FOXP2: variants seen among roughly 807,000 people sequenced by gnomAD.
FOXP2 encodes forkhead box P2, also known as forkhead box protein P2.
Under a neutral mutation model 115.8 loss-of-function variants are expected in FOXP2, and 12 were observed. The observed-to-expected ratio is 0.10, with a 90% CI of 0.07 to 0.17. The LOEUF (loss-of-function observed/expected upper bound fraction) is 0.17, where lower values mean the gene tolerates loss of function less well. Among genes scored for constraint, FOXP2 ranks in the 10% least tolerant of loss-of-function variants. The pLI is 1.00. For synonymous variants in FOXP2, 328 were observed against 297.7 expected (o/e 1.10, Z -1.05); for missense variants, 629 against 843.5 (o/e 0.75, Z 3.15).
intron 3 of FOXP2, among the ~76,000 whole-genome samples, chr7:114,614,443 C>A (rs1382300116): frequency 6.6e-6 from 1 of 152,014 alleles, no homozygotes; most frequent in African/African-American, 2.4e-5. Flanking sequence ...TTGAAAATAT[C>A]ATTCCTACTT....
At chr7:114,605,407 A>G (rs1803264513) in intron 3 of FOXP2, among the ~76,000 whole-genome samples, 1 of 152,208 alleles carries the variant, frequency 6.6e-6, no homozygotes, top group South Asian at 2.1e-4. Context: ...AACCCCTACT[A>G]TGTGCAAAAG....
intron 1 of FOXP2, among the ~76,000 whole-genome samples, chr7:114,268,631 G>T (rs1795957878): frequency 6.6e-6 from 1 of 151,988 alleles, no homozygotes; most frequent in Admixed American, 6.6e-5. Context: ...TTCTCAAAGT[G>T]TTGTTTCTTT....
chr7:114,161,664 A>G (rs1792838542), upstream of FOXP2, among the ~76,000 whole-genome samples: 1 of 151,910 alleles, frequency 6.6e-6, no homozygotes, highest in Non-Finnish European at 1.5e-5. Flanking sequence ...GTATATATAT[A>G]ATTTTGCTTT....
At chr7:114,637,053 G>T (rs1192306519) in intron 6 of FOXP2, among the ~76,000 whole-genome samples, 2 of 151,978 alleles carry the variant, frequency 1.3e-5, no homozygotes, top group African/African-American at 4.8e-5. Flanking sequence ...GTATGCCTGT[G>T]GTCGGTCACA....
At chr7:114,218,867 T>A (rs1202794085) in intron 1 of FOXP2, among the ~76,000 whole-genome samples, 1 of 152,152 alleles carries the variant, frequency 6.6e-6, no homozygotes, top group Non-Finnish European at 1.5e-5. Flanking sequence ...GTTTATGCAA[T>A]TACGTATTAT....
intron 16 of FOXP2, among the ~76,000 whole-genome samples, chr7:114,681,463 T>A (rs1484658634): frequency 6.6e-6 from 1 of 152,182 alleles, no homozygotes; most frequent in Non-Finnish European, 1.5e-5. Context: ...AGCCCCAACG[T>A]GCATAGCAAA....
intron 1 of FOXP2, among the ~76,000 whole-genome samples, chr7:114,119,185 T>G (rs1281551720): frequency 2.0e-5 from 3 of 152,138 alleles, no homozygotes; most frequent in Admixed American, 6.6e-5. Context: ...TTCAGCTCAT[T>G]ACCAGAGTCT....
intron 2 of FOXP2, among the ~76,000 whole-genome samples, chr7:114,334,975 C>T (rs1797815114): frequency 7.6e-6 from 1 of 131,906 alleles, no homozygotes; most frequent in East Asian, 3.0e-4. Flanking sequence ...CCAAGTATGA[C>T]TTCATACTTG....
intron 3 of FOXP2, among the ~76,000 whole-genome samples, chr7:114,600,611 A>G (rs1221717813): frequency 6.6e-6 from 1 of 152,188 alleles, no homozygotes; most frequent in Non-Finnish European, 1.5e-5. Flanking sequence ...TAGTAGATGT[A>G]TTGTGTTACA....
At chr7:114,588,067 T>C (rs1046847314) in intron 3 of FOXP2, among the ~76,000 whole-genome samples, 1 of 151,800 alleles carries the variant, frequency 6.6e-6, no homozygotes, top group African/African-American at 2.4e-5. Context: ...CCCAGCACTT[T>C]GGGAGGCCGA....
At chr7:114,271,430 A>G (rs564384736) in intron 1 of FOXP2, among the ~76,000 whole-genome samples, 43 of 144,822 alleles carry the variant, frequency 3.0e-4, no homozygotes, top group Admixed American at 1.4e-3. Flanking sequence ...GATGTTCTTT[A>G]TCAAGTTAAG....
At chr7:114,289,275 G>T (rs890321386) in intron 2 of FOXP2, among the ~76,000 whole-genome samples, 5 of 151,808 alleles carry the variant, frequency 3.3e-5, no homozygotes, top group African/African-American at 1.2e-4. Context: ...AATTTATGAT[G>T]TAAGTAAGGT....
At chr7:114,112,854 C>T (rs1839563) in intron 1 of FOXP2, among the ~76,000 whole-genome samples, 76,451 of 151,890 alleles carry the variant, frequency 0.5, 21,089 homozygotes, top group South Asian at 0.61. Flanking sequence ...GCTCTTTCTT[C>T]CTCACCCTTA....
chr7:114,468,231 C>T (rs1795895422), intron 2 of FOXP2, among the ~76,000 whole-genome samples: 2 of 152,050 alleles, frequency 1.3e-5, no homozygotes, highest in Admixed American at 1.3e-4. Flanking sequence ...GTTCTAGAAT[C>T]CTAGGAGTCA....
intron 1 of FOXP2, among the ~76,000 whole-genome samples, chr7:114,232,554 C>T (rs1310821893): frequency 6.6e-6 from 1 of 152,136 alleles, no homozygotes; most frequent in Non-Finnish European, 1.5e-5. Flanking sequence ...TGGCTCATGC[C>T]TGTAATCCCA....
At chr7:114,400,404 A>G (rs1390702241) in intron 2 of FOXP2, among the ~76,000 whole-genome samples, 2 of 152,168 alleles carry the variant, frequency 1.3e-5, no homozygotes, top group Non-Finnish European at 2.9e-5. Flanking sequence ...TTTTTCCTAA[A>G]AATAAAATAT....
intron 1 of FOXP2, among the ~76,000 whole-genome samples, chr7:114,263,738 T>C (rs1795819227): frequency 6.6e-6 from 1 of 151,128 alleles, no homozygotes; most frequent in South Asian, 2.1e-4. Flanking sequence ...TGCTTGTGTT[T>C]TCTTTCTTGC....
chr7:114,669,716 G>A (rs932043574), intron 16 of FOXP2: 2 of 152,032 alleles, frequency 1.3e-5, no homozygotes, highest in African/African-American at 4.8e-5. Context: ...AAAACATGTA[G>A]ACTAGACTTG....
intron 3 of FOXP2, among the ~76,000 whole-genome samples, chr7:114,611,199 T>C (rs906215132): frequency 1.3e-5 from 2 of 152,188 alleles, no homozygotes; most frequent in Non-Finnish European, 2.9e-5. Flanking sequence ...ATATGTGAAA[T>C]TTGTTCTGAT....
Sources: allele counts gnomAD v4.1 joint callset (sites outside exome capture counted in the v4.1 genomes callset), GRCh38; gene constraint gnomAD v4.1.1; transcripts MANE v1.5; gene names NCBI Gene and HGNC (gene_info 2026-07-23, HGNC 2026-07-21).